The following ZNF385B variants were observed in gnomAD, a reference collection of about 807,000 sequenced individuals.
ZNF385B encodes zinc finger protein 385B, also known as zinc finger protein 533.
Under a neutral mutation model 39.2 loss-of-function variants are expected in ZNF385B, and 23 were observed. The observed-to-expected ratio is 0.59, with a 90% CI of 0.42 to 0.83. ZNF385B has a LOEUF of 0.83. Ranked by LOEUF, ZNF385B falls within the 40% of genes least tolerant of loss-of-function variation. ZNF385B has a pLI of 0.00. For missense variants in ZNF385B, 552 were observed against 598.9 expected (o/e 0.92, Z 0.82); for synonymous variants, 205 against 222.6 (o/e 0.92, Z 0.70).
At chr2:179,679,430 C>T (rs185344490) in intron 3 of ZNF385B, among the ~76,000 whole-genome samples, 391 of 152,226 alleles carry the variant, frequency 2.6e-3, no homozygotes, top group Non-Finnish European at 4.4e-3. Context: ...GCAAATTCAG[C>T]GAGAAGACTG....
chr2:179,536,723 T>C (rs1265403406), intron 4 of ZNF385B, among the ~76,000 whole-genome samples: 2 of 152,158 alleles, frequency 1.3e-5, no homozygotes, highest in Admixed American at 1.3e-4. Flanking sequence ...ATAACCTTTC[T>C]CCTTAGCACA....
chr2:179,444,762 A>C, intron 9 of ZNF385B, 114 bp downstream of exon 9: 1 of 869,846 alleles, frequency 1.1e-6, no homozygotes, highest in Middle Eastern at 2.9e-4. Flanking sequence ...TATGAGGGCT[A>C]TTTAAATTTG....
chr2:179,673,166 C>T (rs755862452), intron 3 of ZNF385B, among the ~76,000 whole-genome samples: 11 of 152,040 alleles, frequency 7.2e-5, no homozygotes, highest in Non-Finnish European at 1.6e-4. Context: ...TCCAAGAAAC[C>T]CCAAGCCAAG....
At chr2:179,815,492 T>TACC (rs56002027) in intron 1 of ZNF385B, among the ~76,000 whole-genome samples, 44,552 of 151,962 alleles carry the variant, frequency 0.29, 6,719 homozygotes, top group Non-Finnish European at 0.31. Flanking sequence ...AAAAGAACTA[T>TACC]ACCGGTATTT....
chr2:179,462,489 A>G (rs915901151), intron 6 of ZNF385B, among the ~76,000 whole-genome samples: 2 of 152,102 alleles, frequency 1.3e-5, no homozygotes, highest in African/African-American at 2.4e-5. Context: ...CTCCTTACCT[A>G]CACATTTGAC....
At chr2:179,489,520 TA>T (rs2054973981) in intron 5 of ZNF385B, among the ~76,000 whole-genome samples, 1 of 152,214 alleles carries the variant, frequency 6.6e-6, no homozygotes, top group Admixed American at 6.5e-5. Flanking sequence ...TTATTTGAGA[TA>T]AAAGCAAGGC....
chr2:179,842,855 A>G (rs1708607599), intron 1 of ZNF385B, among the ~76,000 whole-genome samples: 1 of 152,160 alleles, frequency 6.6e-6, no homozygotes. Context: ...GTGGTCTTTT[A>G]CTGGGAAACA....
rs2106503267 is a variant in ZNF385B, at chr2:179,769,402, C to T, written c.298+101G>A. ...AAGAGTACATGTTATCATGGTAGCC[C>T]AGTTTTAAGGTAAAAATTAAGTCTT... On this transcript the variant is annotated intron_variant, in intron 3 of 9. Transcript: ENST00000410066. 3 of 1,513,406 alleles carry T rather than the reference C, an allele frequency of 2.0e-6. No homozygotes were observed. In the South Asian group the frequency reaches 3.8e-5, roughly 19 times the overall value. The allele number at this position is 1,513,406 out of a possible 1,614,324, so 93.7% of individuals were successfully genotyped here.
chr2:179,462,910 T>A (rs2051508435), intron 6 of ZNF385B, among the ~76,000 whole-genome samples: 1 of 152,152 alleles, frequency 6.6e-6, no homozygotes, highest in Admixed American at 6.6e-5. Flanking sequence ...GATGTGTGTG[T>A]GTGTGTGTTT....
intron 3 of ZNF385B, among the ~76,000 whole-genome samples, chr2:179,719,514 C>A (rs10186952): frequency 0.031 from 4,662 of 152,266 alleles, 268 homozygotes; most frequent in African/African-American, 0.1. Context: ...TTACTAACAT[C>A]TGAGCTTCAA....
chr2:179,820,414 T>C (rs1707333418), intron 1 of ZNF385B, among the ~76,000 whole-genome samples: 1 of 152,038 alleles, frequency 6.6e-6, no homozygotes, highest in African/African-American at 2.4e-5. Flanking sequence ...CAAATGTTCA[T>C]ATCATTGTTT....
intron 3 of ZNF385B, among the ~76,000 whole-genome samples, chr2:179,750,196 C>T (rs1221297205): frequency 6.6e-6 from 1 of 152,092 alleles, no homozygotes; most frequent in Admixed American, 6.6e-5. Context: ...AAATTCAAAG[C>T]ATTTGTGCAG....
chr2:179,624,607 G>A (rs1030777255), intron 3 of ZNF385B, among the ~76,000 whole-genome samples: 1 of 152,128 alleles, frequency 6.6e-6, no homozygotes, highest in Non-Finnish European at 1.5e-5. Flanking sequence ...AGCAAAATAC[G>A]AGTAAAAAAT....
intron 6 of ZNF385B, among the ~76,000 whole-genome samples, chr2:179,456,921 A>T (rs1157350889): frequency 1.3e-5 from 2 of 152,122 alleles, no homozygotes; most frequent in African/African-American, 4.8e-5. Flanking sequence ...TTTAATTGCG[A>T]TATAGCATGT....
At chr2:179,856,441 G>C (rs919655197) in intron 1 of ZNF385B, among the ~76,000 whole-genome samples, 1 of 151,980 alleles carries the variant, frequency 6.6e-6, no homozygotes, top group Non-Finnish European at 1.5e-5. Flanking sequence ...AGTGATACAG[G>C]AGCCCAGAAA....
chr2:179,831,013 T>C (rs1049483474), intron 1 of ZNF385B, among the ~76,000 whole-genome samples: 4 of 152,180 alleles, frequency 2.6e-5, no homozygotes, highest in African/African-American at 9.7e-5. Context: ...AAATCTAAAA[T>C]TTCTCTTAAA....
chr2:179,733,090 T>C (rs1322974582), intron 3 of ZNF385B, among the ~76,000 whole-genome samples: 2 of 152,198 alleles, frequency 1.3e-5, no homozygotes, highest in East Asian at 3.9e-4. Flanking sequence ...TGCAGAGTTA[T>C]TTCCAGCAAG....
At chr2:179,644,061 A>G (rs917922757) in intron 3 of ZNF385B, among the ~76,000 whole-genome samples, 2 of 152,078 alleles carry the variant, frequency 1.3e-5, no homozygotes, top group African/African-American at 4.8e-5. Context: ...CCCTGACGAT[A>G]CTAAAGTTTA....
chr2:179,593,635 C>T (rs1687757740), intron 3 of ZNF385B, among the ~76,000 whole-genome samples: 1 of 152,110 alleles, frequency 6.6e-6, no homozygotes, highest in Non-Finnish European at 1.5e-5. Context: ...GCAATTCTGT[C>T]CTTATGGTTA....
Sources: allele counts gnomAD v4.1 joint callset (sites outside exome capture counted in the v4.1 genomes callset), GRCh38; gene constraint gnomAD v4.1.1; transcripts MANE v1.5; gene names NCBI Gene and HGNC (gene_info 2026-07-23, HGNC 2026-07-21).